The following TAFA1 variants were observed in gnomAD, a reference collection of about 807,000 sequenced individuals.
TAFA1 encodes the protein TAFA chemokine like family member 1, also known as chemokine-like protein TAFA-1.
In TAFA1, 4 loss-of-function variants were observed where a neutral mutation model predicts 18.5. The ratio of observed to expected loss-of-function variants is 0.22; its 90% CI spans 0.11 to 0.49. TAFA1 has a LOEUF of 0.49. TAFA1 is among the 20% of genes least tolerant of loss of function. The pLI, the probability that TAFA1 is intolerant of heterozygous loss-of-function variation, is 0.98. For synonymous variants in TAFA1, 56 were observed against 55.2 expected (o/e 1.01, Z -0.06); for missense variants, 147 against 169.0 (o/e 0.87, Z 0.72).
At chr3:68,040,775 T>C (rs1705146540) in intron 2 of TAFA1, among the ~76,000 whole-genome samples, 1 of 152,212 alleles carries the variant, frequency 6.6e-6, no homozygotes, top group African/African-American at 2.4e-5. Flanking sequence ...TCAGGAGATT[T>C]TGATGAACAC....
chr3:68,033,197 T>C (rs1704974409), intron 2 of TAFA1, among the ~76,000 whole-genome samples: 1 of 152,164 alleles, frequency 6.6e-6, no homozygotes, highest in Non-Finnish European at 1.5e-5. Context: ...TGCTATTTCA[T>C]TGTATAAAAG....
intron 2 of TAFA1, among the ~76,000 whole-genome samples, chr3:68,169,771 T>C (rs1327381865): frequency 6.6e-6 from 1 of 152,208 alleles, no homozygotes; most frequent in Non-Finnish European, 1.5e-5. Flanking sequence ...AAGAATAGTA[T>C]ATGGGTGAGG....
intron 3 of TAFA1, among the ~76,000 whole-genome samples, chr3:68,439,991 A>G (rs983184359): frequency 1.3e-5 from 2 of 152,166 alleles, no homozygotes; most frequent in Admixed American, 1.3e-4. Flanking sequence ...TATTACATAA[A>G]GTTAACAACA....
At chr3:68,196,436 A>T (rs888342168) in intron 2 of TAFA1, among the ~76,000 whole-genome samples, 2 of 151,710 alleles carry the variant, frequency 1.3e-5, no homozygotes, top group Non-Finnish European at 1.5e-5. Context: ...CTTATGTGGG[A>T]TCTATATTTG....
intron 2 of TAFA1, among the ~76,000 whole-genome samples, chr3:68,179,062 T>C (rs1002514799): frequency 6.6e-6 from 1 of 152,192 alleles, no homozygotes; most frequent in African/African-American, 2.4e-5. Context: ...AACACACTTA[T>C]TTGATGAATA....
chr3:68,258,372 T>C (rs1266567283), intron 2 of TAFA1, among the ~76,000 whole-genome samples: 1 of 152,200 alleles, frequency 6.6e-6, no homozygotes, highest in African/African-American at 2.4e-5. Context: ...GTTGATGTAA[T>C]ATATTGGCTT....
chr3:68,079,012 A>G (rs76207326), intron 2 of TAFA1, among the ~76,000 whole-genome samples: 1 of 152,168 alleles, frequency 6.6e-6, no homozygotes, highest in East Asian at 1.9e-4. Flanking sequence ...CTATTCAGAG[A>G]TTCAACTTCT....
intron 2 of TAFA1, among the ~76,000 whole-genome samples, chr3:68,225,373 C>T (rs1413770775): frequency 6.6e-6 from 1 of 152,106 alleles, no homozygotes; most frequent in Non-Finnish European, 1.5e-5. Flanking sequence ...ATAGGGTCAT[C>T]TATTTAAAAT....
chr3:68,401,671 G>T (rs2070495834), intron 2 of TAFA1, among the ~76,000 whole-genome samples: 1 of 152,168 alleles, frequency 6.6e-6, no homozygotes, highest in Non-Finnish European at 1.5e-5. Context: ...TTCTGCATTT[G>T]GATCTCTTTG....
At chr3:68,218,221 A>C (rs953225019) in intron 2 of TAFA1, among the ~76,000 whole-genome samples, 1 of 152,142 alleles carries the variant, frequency 6.6e-6, no homozygotes, top group Non-Finnish European at 1.5e-5. Flanking sequence ...GTATTTAAAT[A>C]GATGTTGATT....
chr3:68,008,681 A>C (rs1704412364), intron 2 of TAFA1, among the ~76,000 whole-genome samples: 1 of 152,154 alleles, frequency 6.6e-6, no homozygotes, highest in South Asian at 2.1e-4. Context: ...AGCTTCTTTG[A>C]GGAAGTGTGA....
At chr3:68,353,738 C>T (rs1183524190) in intron 2 of TAFA1, among the ~76,000 whole-genome samples, 3 of 151,956 alleles carry the variant, frequency 2.0e-5, no homozygotes, top group Non-Finnish European at 2.9e-5. Flanking sequence ...TGTCAAAGGT[C>T]GCACAGTATT....
chr3:68,392,547 A>G (rs1194862063), intron 2 of TAFA1, among the ~76,000 whole-genome samples: 1 of 152,174 alleles, frequency 6.6e-6, no homozygotes, highest in African/African-American at 2.4e-5. Context: ...TCTCAAATCA[A>G]CAGAATATAC....
intron 2 of TAFA1, among the ~76,000 whole-genome samples, chr3:68,226,974 C>T (rs930352451): frequency 2.0e-5 from 3 of 151,994 alleles, no homozygotes; most frequent in East Asian, 1.9e-4. Context: ...TAGCCTTGGC[C>T]GAGGGGTTGT....
At chr3:68,507,697 G>C (rs1371781503) in intron 3 of TAFA1, among the ~76,000 whole-genome samples, 2 of 152,040 alleles carry the variant, frequency 1.3e-5, no homozygotes, top group African/African-American at 4.8e-5. Flanking sequence ...TAGGTTCTTA[G>C]CATATCTCAC....
intron 2 of TAFA1, among the ~76,000 whole-genome samples, chr3:68,261,506 G>T (rs1408291727): frequency 6.6e-6 from 1 of 152,140 alleles, no homozygotes; most frequent in East Asian, 1.9e-4. Context: ...CAAAGTCTTG[G>T]AACCAACCCA....
chr3:68,348,146 C>T (rs928158393), intron 2 of TAFA1, among the ~76,000 whole-genome samples: 3 of 152,148 alleles, frequency 2.0e-5, no homozygotes, highest in African/African-American at 7.2e-5. Context: ...GCCCCTACTT[C>T]TTGCTAGCTG....
chr3:68,016,150 G>A (rs1027981600), intron 2 of TAFA1, among the ~76,000 whole-genome samples: 1 of 152,122 alleles, frequency 6.6e-6, no homozygotes, highest in African/African-American at 2.4e-5. Flanking sequence ...AGTCTGTAAT[G>A]ATGGATATTT....
intron 2 of TAFA1, among the ~76,000 whole-genome samples, chr3:68,416,964 G>T (rs958663432): frequency 6.6e-6 from 1 of 152,078 alleles, no homozygotes; most frequent in African/African-American, 2.4e-5. Flanking sequence ...CCCAAAATAT[G>T]CATTTAAATC....
Sources: allele counts gnomAD v4.1 joint callset (sites outside exome capture counted in the v4.1 genomes callset), GRCh38; gene constraint gnomAD v4.1.1; transcripts MANE v1.5; gene names NCBI Gene and HGNC (gene_info 2026-07-23, HGNC 2026-07-21).